Variants in BICDL1 observed in about 807,000 individuals in gnomAD.
BICDL1 encodes BICD family-like cargo adapter 1.
Under a neutral mutation model 76.8 loss-of-function variants are expected in BICDL1, and 20 were observed. That is an observed-to-expected ratio of 0.26 (90% CI 0.18 to 0.38). The LOEUF is 0.38. BICDL1 is among the 10% of genes least tolerant of loss of function. The probability of loss-of-function intolerance (pLI) is 1.00; values close to 1 mark genes in which losing one functional copy is unlikely to be tolerated. For missense variants in BICDL1, 700 were observed against 798.6 expected, an observed-to-expected ratio of 0.88 and a Z score of 1.49; for synonymous variants, 383 against 337.1, an observed-to-expected ratio of 1.14 and a Z score of -1.49.
chr12:120,080,109 A>C (rs948945029), intron 7 of BICDL1, among the ~76,000 whole-genome samples: 4 of 152,252 alleles, frequency 2.6e-5, no homozygotes, highest in Non-Finnish European at 5.9e-5. Flanking sequence ...TGGGATGCAC[A>C]GATGGATGTG....
intron 2 of BICDL1, 65 bp downstream of exon 2, chr12:119,998,801 G>A (rs1006504305): frequency 4.1e-6 from 6 of 1,456,676 alleles, no homozygotes; most frequent in Non-Finnish European, 3.7e-6. Flanking sequence ...GGGCATGGAG[G>A]CTTATGCCTG....
rs754290239 is a variant in BICDL1, at chr12:120,093,040, C to T, written c.1745C>T (p.Thr582Met). Reference protein sequence around the residue: ...HRVIDRQLMDTHLKERSQPAA... With the variant: ...HRVIDRQLMDMHLKERSQPAA... ...GTCATTGACCGGCAGCTGATGGACA[C>T]GCACCTGAAAGAACGGAGCCAGCCG... is the stretch of plus-strand genomic sequence containing the variant. The change falls in exon 10 of 10, where the codon ACG becomes ATG. Residue 582 changes from threonine (T) to methionine (M), a missense_variant. Physicochemically the swap from Thr to Met is moderately conservative, Grantham distance 81. Around this residue, in one of 3 missense-constraint regions of BICDL1, gnomAD observed 455 missense variants for 548.7 expected, o/e 0.83. Coordinates refer to ENST00000548673, the MANE Select transcript of BICDL1 (RefSeq NM_001367886.1). 3.4e-5 allele frequency: 54 copies of T among 1,593,846 alleles called. No homozygotes were observed. Among genetic ancestry groups the T allele is most frequent in the Non-Finnish European group, 3.8e-5 (45 of 1,168,846 alleles).
At chr12:120,073,943 G>A (rs946464919) in intron 6 of BICDL1, among the ~76,000 whole-genome samples, 9 of 151,908 alleles carry the variant, frequency 5.9e-5, no homozygotes, top group Admixed American at 1.3e-4. Flanking sequence ...TTTTTGAGAC[G>A]GAGTCTCGCT....
At chr12:120,009,879 CATTG>C (rs1333165257) in intron 2 of BICDL1, among the ~76,000 whole-genome samples, 2 of 152,230 alleles carry the variant, frequency 1.3e-5, no homozygotes, top group African/African-American at 4.8e-5. Flanking sequence ...CATTTCTCTA[CATTG>C]GCATCTGGGC....
chr12:120,064,925 A>G, intron 4 of BICDL1, 46 bp downstream of exon 4: 1 of 1,545,354 alleles, frequency 6.5e-7, no homozygotes. Flanking sequence ...GCCAGATAAA[A>G]GGAGCACTTA....
intron 2 of BICDL1, among the ~76,000 whole-genome samples, chr12:120,025,999 A>G (rs1594133171): frequency 6.6e-6 from 1 of 152,064 alleles, no homozygotes; most frequent in Non-Finnish European, 1.5e-5. Flanking sequence ...CAGTACGCCC[A>G]GCTAATTTTT....
chr12:120,014,520 C>T (rs536943512), intron 2 of BICDL1, among the ~76,000 whole-genome samples: 6 of 151,958 alleles, frequency 3.9e-5, no homozygotes, highest in Non-Finnish European at 8.8e-5. Context: ...GATGAAACCC[C>T]GTCTCTACTG....
intron 2 of BICDL1, among the ~76,000 whole-genome samples, chr12:120,035,002 T>TA (rs1594145578): frequency 6.6e-6 from 1 of 152,210 alleles, no homozygotes; most frequent in East Asian, 1.9e-4. Flanking sequence ...AGAAGATACT[T>TA]AGAGTTAGGT....
At position 119,989,933 on chromosome 12, in the gene BICDL1, G is replaced by T; in HGVS notation, c.65G>T (p.Cys22Phe). Residue 22 changes from cysteine to phenylalanine, a missense_variant, in exon 1 of 10, where the codon TGC (cysteine) becomes TTC (phenylalanine). Physicochemically the swap from Cys to Phe is radical, Grantham distance 205 (BLOSUM62 -2). This residue lies in a region of BICDL1 where 225 missense variants were observed against 199.6 expected (regional missense o/e 1.13). Transcript: ENST00000548673. ...ASAPAEPDSA[C>F]CMELPAAAGD... is the part of the protein sequence containing the mutation. ...GCACCCGCCGAGCCGGACAGCGCCT[G>T]CTGCATGGAGCTGCCCGCCGCGGCC... is the stretch of plus-strand genomic sequence containing the variant. 6.8e-7 allele frequency: 1 copy of T among 1,462,886 alleles called. No individual in the cohort carries two copies. The highest frequency in any genetic ancestry group is 8.9e-7 in the Non-Finnish European group (1 of 1,121,572). 90.6% of individuals were successfully genotyped at this position (1,462,886 alleles called of 1,614,324 possible).
chr12:119,991,981 C>T (rs1951534104), intron 1 of BICDL1, among the ~76,000 whole-genome samples: 2 of 152,206 alleles, frequency 1.3e-5, no homozygotes, highest in African/African-American at 4.8e-5. Flanking sequence ...CTTCATTCCT[C>T]TGCAGGTCAG....
At chr12:119,997,886 C>G (rs924207312) in intron 1 of BICDL1, among the ~76,000 whole-genome samples, 5 of 151,972 alleles carry the variant, frequency 3.3e-5, no homozygotes, top group Admixed American at 6.6e-5. Context: ...GAGGCCGGGC[C>G]GGGGGGATCA....
At chr12:119,990,718 G>A (rs1317318471) in intron 1 of BICDL1, among the ~76,000 whole-genome samples, 2 of 152,208 alleles carry the variant, frequency 1.3e-5, no homozygotes, top group Non-Finnish European at 2.9e-5. Flanking sequence ...GGGCGTTAAG[G>A]CCTTTAGATG....
intron 2 of BICDL1, among the ~76,000 whole-genome samples, chr12:120,023,672 C>T (rs540670487): frequency 1.3e-5 from 2 of 152,174 alleles, no homozygotes; most frequent in East Asian, 3.9e-4. Context: ...CACCTGTAAT[C>T]CCAGCTACTC....
At chr12:120,049,896 A>G (rs768031788) in intron 2 of BICDL1, among the ~76,000 whole-genome samples, 1 of 152,206 alleles carries the variant, frequency 6.6e-6, no homozygotes, top group Non-Finnish European at 1.5e-5. Flanking sequence ...TTATTCCTCC[A>G]AAGTAGGTTA....
intron 9 of BICDL1, chr12:120,091,420 C>A: frequency 4.9e-6 from 5 of 1,011,430 alleles, no homozygotes; most frequent in Non-Finnish European, 5.9e-6. Flanking sequence ...TTGAAAGACC[C>A]TTTAGCATTC....
intron 2 of BICDL1, among the ~76,000 whole-genome samples, chr12:120,012,024 A>G (rs886618345): frequency 8.5e-5 from 13 of 152,260 alleles, no homozygotes; most frequent in African/African-American, 3.1e-4. Flanking sequence ...AAAGAAAATT[A>G]GTAGAGAGAT....
rs768749544 is a variant in BICDL1, at chr12:120,071,625, C to T, written c.913C>T (p.His305Tyr). ...RQGHDKDLQL[H>Y]QSQLELQEVR... is the part of the protein sequence containing the mutation. Reference sequence around the variant, plus strand: ...CCATTTGCTCTTTCTTTGAAAGCTGCACCAAAGCCAGCTGGAGCTTCAGGA... The same window carrying T: ...CCATTTGCTCTTTCTTTGAAAGCTGTACCAAAGCCAGCTGGAGCTTCAGGA... The change falls in exon 5 of 10, where the codon CAC becomes TAC. Residue 305 changes from histidine to tyrosine, a missense_variant. Transcript: ENST00000548673. This position sits in a 1 kb window ranked among gnomAD's most constrained non-coding sequence, Gnocchi z 4.8. 2.5e-6 allele frequency: 4 copies of T among 1,604,828 alleles called. No homozygotes were observed. The highest frequency in any genetic ancestry group is 3.4e-6 in the Non-Finnish European group (4 of 1,176,262).
intron 2 of BICDL1, among the ~76,000 whole-genome samples, chr12:120,012,680 T>C (rs2138672225): frequency 6.6e-6 from 1 of 152,350 alleles, no homozygotes. Flanking sequence ...TGTTCTCATA[T>C]ATGAATTAAG....
chr12:120,043,730 C>T (rs1025906529), intron 2 of BICDL1, among the ~76,000 whole-genome samples: 2 of 152,224 alleles, frequency 1.3e-5, no homozygotes, highest in Non-Finnish European at 2.9e-5. Context: ...GTTAATCCCA[C>T]TTCTATTTTC....
Sources: allele counts gnomAD v4.1 joint callset (sites outside exome capture counted in the v4.1 genomes callset), GRCh38; gene constraint gnomAD v4.1.1; regional missense constraint gnomAD v4.1.1; non-coding constraint Gnocchi (gnomAD v3.1); transcripts MANE v1.5; gene names NCBI Gene and HGNC (gene_info 2026-07-23, HGNC 2026-07-21).